Variants in TRPC5 observed in about 807,000 individuals in gnomAD.
TRPC5 encodes the protein short transient receptor potential channel 5.
In TRPC5, 9 loss-of-function variants were observed where a neutral mutation model predicts 56.5. That is an observed-to-expected ratio of 0.16 (90% CI 0.10 to 0.28). The LOEUF (loss-of-function observed/expected upper bound fraction) is 0.28, where lower values mean the gene tolerates loss of function less well. Ranked by LOEUF, TRPC5 falls within the 10% of genes least tolerant of loss-of-function variation. TRPC5 has a pLI of 1.00. For synonymous variants in TRPC5, 282 were observed against 278.5 expected, an observed-to-expected ratio of 1.01 and a Z score of -0.13; for missense variants, 469 against 748.9, an observed-to-expected ratio of 0.63 and a Z score of 4.36.
intron 6 of TRPC5, among the ~76,000 whole-genome samples, chrX:111,838,560 T>G: frequency 9.0e-6 from 1 of 111,640 alleles, no homozygotes; most frequent in Non-Finnish European, 1.9e-5. Flanking sequence ...GACTATCTTT[T>G]CAATTTTAAA....
At chrX:112,071,795 G>A (rs1285574193) in intron 1 of TRPC5, among the ~76,000 whole-genome samples, 1 of 111,705 alleles carries the variant, frequency 9.0e-6, no homozygotes, top group African/African-American at 3.3e-5. Flanking sequence ...GCCCAATTTT[G>A]CCCATGGCTT....
chrX:111,872,053 G>A (rs1487791504), intron 3 of TRPC5, among the ~76,000 whole-genome samples: 1 of 112,060 alleles, frequency 8.9e-6, no homozygotes, highest in Non-Finnish European at 1.9e-5. Context: ...GACCTTCTCT[G>A]CCATGTTGTG....
chrX:111,865,163 G>A (rs759601690), intron 3 of TRPC5, among the ~76,000 whole-genome samples: 22 of 107,853 alleles, frequency 2.0e-4, no homozygotes, highest in Non-Finnish European at 3.6e-4. Flanking sequence ...TTACAGGTGC[G>A]TGCCACCACA....
chrX:111,938,646 C>G (rs917485204), intron 2 of TRPC5, among the ~76,000 whole-genome samples: 1 of 111,320 alleles, frequency 9.0e-6, no homozygotes, highest in South Asian at 3.8e-4. Context: ...TGCTGGATTA[C>G]ATTTATTGAT....
At position 111,771,089 on chromosome X, in the gene TRPC5, G is replaced by A. The variant is rs1451053292; in HGVS notation, c.*5224C>T. Among the ~76,000 whole-genome samples the A allele has an allele frequency of 9.0e-6, 1 of 111,663 alleles. No homozygotes were observed. The highest frequency in any genetic ancestry group is 1.9e-5 in the Non-Finnish European group (1 of 53,116). The stretch of plus-strand genomic sequence containing the variant: ...TCTTTTTTGGTTCTATCAAGTCACT[G>A]GAGTTATAAAGAAAGTTCTTTGAGG... On this transcript the variant is annotated 3_prime_UTR_variant, in exon 11 of 11. Transcript: ENST00000262839.
intron 7 of TRPC5, among the ~76,000 whole-genome samples, chrX:111,833,995 A>G (rs1163375997): frequency 9.0e-6 from 1 of 111,511 alleles, no homozygotes; most frequent in Non-Finnish European, 1.9e-5. Flanking sequence ...CTACACATCC[A>G]AATTTACTAA....
chrX:111,838,367 G>A (rs1174923155), intron 6 of TRPC5, among the ~76,000 whole-genome samples: 1 of 110,398 alleles, frequency 9.1e-6, no homozygotes, highest in Non-Finnish European at 1.9e-5. Context: ...CATGTGAGGT[G>A]GAAAAGAATA....
At chrX:111,948,488 T>C (rs1569528457) in intron 2 of TRPC5, among the ~76,000 whole-genome samples, 1 of 111,170 alleles carries the variant, frequency 9.0e-6, no homozygotes, top group Non-Finnish European at 1.9e-5. Context: ...TCCTAGCACT[T>C]TGGGAGGCTG....
intron 1 of TRPC5, among the ~76,000 whole-genome samples, chrX:112,057,114 C>T (rs1220668135): frequency 3.6e-5 from 4 of 111,599 alleles, no homozygotes; most frequent in Non-Finnish European, 7.5e-5. Context: ...TGCCTAAATG[C>T]TCAGAAGAGT....
At chrX:111,992,600 T>C in intron 1 of TRPC5, among the ~76,000 whole-genome samples, 1 of 107,597 alleles carries the variant, frequency 9.3e-6, no homozygotes, top group Admixed American at 1.0e-4. Context: ...TTATTATTAT[T>C]ATTATTATTA....
intron 6 of TRPC5, among the ~76,000 whole-genome samples, chrX:111,843,591 A>AAGG (rs1479956129): frequency 9.0e-6 from 1 of 111,455 alleles, no homozygotes; most frequent in African/African-American, 3.3e-5. Flanking sequence ...AATGTTGACA[A>AAGG]AGGAGGAGAG....
intron 1 of TRPC5, among the ~76,000 whole-genome samples, chrX:112,039,391 G>A (rs920392504): frequency 2.7e-5 from 3 of 111,649 alleles, no homozygotes; most frequent in East Asian, 5.7e-4. Flanking sequence ...GCTTTCACCC[G>A]GAGGTCTTGC....
chrX:111,810,118 T>C (rs1921656165), intron 7 of TRPC5, among the ~76,000 whole-genome samples: 1 of 110,657 alleles, frequency 9.0e-6, no homozygotes, highest in Non-Finnish European at 1.9e-5. Flanking sequence ...AGTCACCATA[T>C]TGGCCAAGCT....
At chrX:112,064,193 T>G (rs1040814006) in intron 1 of TRPC5, among the ~76,000 whole-genome samples, 17 of 111,987 alleles carry the variant, frequency 1.5e-4, no homozygotes, top group Non-Finnish European at 3.0e-4. Flanking sequence ...ATCTTGCTTG[T>G]AGTGTATTTT....
chrX:112,041,833 A>G (rs1440549765), intron 1 of TRPC5, among the ~76,000 whole-genome samples: 2 of 111,929 alleles, frequency 1.8e-5, no homozygotes, highest in African/African-American at 6.5e-5. Context: ...CACAGGTAAT[A>G]TTGCTTATAG....
intron 1 of TRPC5, among the ~76,000 whole-genome samples, chrX:112,005,019 T>C (rs1928797089): frequency 9.0e-6 from 1 of 111,694 alleles, no homozygotes; most frequent in Admixed American, 9.5e-5. Flanking sequence ...TTTGTCAATG[T>C]TACCAGCTTC....
At chrX:111,960,601 T>C (rs1459970355) in intron 1 of TRPC5, among the ~76,000 whole-genome samples, 1 of 111,081 alleles carries the variant, frequency 9.0e-6, no homozygotes, top group Non-Finnish European at 1.9e-5. Context: ...AGCAGCGTAA[T>C]TCGTTAAAAG....
chrX:111,856,736 A>G (rs1162190583), intron 3 of TRPC5, among the ~76,000 whole-genome samples: 1 of 101,185 alleles, frequency 9.9e-6, no homozygotes, highest in Non-Finnish European at 2.0e-5. Context: ...GAATCACTTG[A>G]GGGCAGAAGG....
chrX:111,807,648 G>A (rs769535825), intron 7 of TRPC5, among the ~76,000 whole-genome samples: 1 of 112,069 alleles, frequency 8.9e-6, no homozygotes, highest in Admixed American at 9.5e-5. Flanking sequence ...CTGTGTCTGG[G>A]CATTGAAGAG....
Sources: allele counts gnomAD v4.1 joint callset (sites outside exome capture counted in the v4.1 genomes callset), GRCh38; gene constraint gnomAD v4.1.1; transcripts MANE v1.5; gene names NCBI Gene and HGNC (gene_info 2026-07-23, HGNC 2026-07-21).